Variants in LRRC8D observed in about 807,000 individuals in gnomAD.
LRRC8D encodes leucine rich repeat containing 8 VRAC subunit D, also known as volume-regulated anion channel subunit LRRC8D.
In LRRC8D, 20 loss-of-function variants were observed where a neutral mutation model predicts 55.8. The observed-to-expected ratio is 0.36, with a 90% CI of 0.25 to 0.52. The LOEUF is 0.52. Among genes scored for constraint, LRRC8D ranks in the 20% least tolerant of loss-of-function variants. LRRC8D has a pLI of 0.93. For missense variants in LRRC8D, 651 were observed against 1,030.8 expected, an observed-to-expected ratio of 0.63 and a Z score of 5.05; for synonymous variants, 352 against 377.0, an observed-to-expected ratio of 0.93 and a Z score of 0.77.
At chr1:89,839,495 T>C (rs1034501068) in intron 1 of LRRC8D, among the ~76,000 whole-genome samples, 1 of 152,184 alleles carries the variant, frequency 6.6e-6, no homozygotes, top group Non-Finnish European at 1.5e-5. Context: ...TATTTTTTTT[T>C]AAACATGATT....
At chr1:89,879,610 T>C (rs1662231492) in intron 2 of LRRC8D, among the ~76,000 whole-genome samples, 1 of 152,220 alleles carries the variant, frequency 6.6e-6, no homozygotes, top group Admixed American at 6.5e-5. Context: ...ACAATTTCTT[T>C]TTTCTTAAAT....
intron 2 of LRRC8D, among the ~76,000 whole-genome samples, chr1:89,918,072 A>T (rs1663317848): frequency 6.6e-6 from 1 of 152,244 alleles, no homozygotes; most frequent in Non-Finnish European, 1.5e-5. Flanking sequence ...GGAATAAATG[A>T]GCAAATGAAT....
At chr1:89,860,523 G>T (rs1292591825) in intron 2 of LRRC8D, among the ~76,000 whole-genome samples, 4 of 151,652 alleles carry the variant, frequency 2.6e-5, no homozygotes, top group Admixed American at 1.3e-4. Context: ...ACTTTGTGAG[G>T]CCAGGGCGGG....
chr1:89,890,590 T>A (rs569134741), intron 2 of LRRC8D, among the ~76,000 whole-genome samples: 20 of 152,332 alleles, frequency 1.3e-4, no homozygotes, highest in Admixed American at 1.2e-3. Flanking sequence ...TGTTTTTGAT[T>A]TTTGATTTTT....
Position 89,933,545 on chromosome 1 carries a change from G to A in LRRC8D, c.477G>A (p.Pro159=), listed in dbSNP as rs369648871. 2.3e-4 allele frequency: 369 copies of A among 1,613,984 alleles called. No individual in the cohort carries two copies. The highest frequency in any genetic ancestry group is 2.9e-4 in the Non-Finnish European group (345 of 1,180,022). Residue 159 remains proline (P), a synonymous_variant, in exon 3 of 3, where the codon CCG becomes CCA. Transcript: ENST00000337338. The surrounding 1 kb of genome is among the most constrained non-coding windows in gnomAD (Gnocchi z 7.0). ...INQMCYHLAL[P]WYSKYFPYLA... is the part of the protein sequence containing the mutation. Reference sequence around the variant, plus strand: ...AAATGTGTTACCATCTGGCCCTTCCGTGGTATTCTAAGTACTTTCCATACC... The same window carrying A: ...AAATGTGTTACCATCTGGCCCTTCCATGGTATTCTAAGTACTTTCCATACC...
At chr1:89,823,096 CTA>C (rs1480731317) in intron 1 of LRRC8D, among the ~76,000 whole-genome samples, 1 of 152,154 alleles carries the variant, frequency 6.6e-6, no homozygotes, top group Non-Finnish European at 1.5e-5. Flanking sequence ...TATTTGAACA[CTA>C]TGTTAGATTT....
At chr1:89,921,317 A>C (rs1457080532) in intron 2 of LRRC8D, among the ~76,000 whole-genome samples, 1 of 152,196 alleles carries the variant, frequency 6.6e-6, no homozygotes, top group Non-Finnish European at 1.5e-5. Flanking sequence ...TAGCCTGGAC[A>C]ACTGGAGTGA....
At chr1:89,899,137 G>A (rs1319477725) in intron 2 of LRRC8D, among the ~76,000 whole-genome samples, 1 of 150,984 alleles carries the variant, frequency 6.6e-6, no homozygotes, top group Non-Finnish European at 1.5e-5. Flanking sequence ...TAGATTCAAG[G>A]GCCTACCCTA....
intron 2 of LRRC8D, among the ~76,000 whole-genome samples, chr1:89,931,569 G>A (rs1037416694): frequency 2.0e-5 from 3 of 152,054 alleles, no homozygotes; most frequent in Admixed American, 2.0e-4. Flanking sequence ...GACCAGCCTG[G>A]CCAATATGGT....
chr1:89,845,729 C>T (rs1661258569), intron 2 of LRRC8D, among the ~76,000 whole-genome samples: 1 of 152,078 alleles, frequency 6.6e-6, no homozygotes, highest in African/African-American at 2.4e-5. Flanking sequence ...CTCAGCCAGT[C>T]AAGAGAGATT....
At chr1:89,836,123 A>G (rs776457944) in intron 1 of LRRC8D, among the ~76,000 whole-genome samples, 9 of 152,224 alleles carry the variant, frequency 5.9e-5, no homozygotes, top group Non-Finnish European at 1.0e-4. Flanking sequence ...TAGGAGCTAC[A>G]TGAAATGATG....
At chr1:89,872,624 A>G (rs1662049975) in intron 2 of LRRC8D, among the ~76,000 whole-genome samples, 1 of 152,228 alleles carries the variant, frequency 6.6e-6, no homozygotes, top group Admixed American at 6.5e-5. Context: ...TGTCTAATTG[A>G]TAATGAAATG....
chr1:89,844,462 G>T (rs560461369), intron 2 of LRRC8D, among the ~76,000 whole-genome samples: 10 of 152,296 alleles, frequency 6.6e-5, no homozygotes, highest in Admixed American at 1.3e-4. Context: ...GTTTAGTCTG[G>T]TGTCTGGCTT....
chr1:89,863,838 C>A (rs1661778879), intron 2 of LRRC8D, among the ~76,000 whole-genome samples: 1 of 152,074 alleles, frequency 6.6e-6, no homozygotes, highest in Admixed American at 6.5e-5. Context: ...TAAAAATGTT[C>A]ATGAGGGAGT....
intron 2 of LRRC8D, among the ~76,000 whole-genome samples, chr1:89,931,003 A>ATTTTT (rs56714673): frequency 5.9e-4 from 71 of 120,918 alleles, no homozygotes; most frequent in African/African-American, 1.3e-3. Context: ...TTCCTTGGTA[A>ATTTTT]TTTTTTTTTT....
At chr1:89,843,480 C>T (rs1310571272) in intron 1 of LRRC8D, 158 bp from the exon 2 acceptor site, 4 of 450,126 alleles carry the variant, frequency 8.9e-6, no homozygotes, top group African/African-American at 4.0e-5. Flanking sequence ...GCCGGTGCGG[C>T]GGGGTCGCCA....
At chr1:89,832,335 C>T (rs1435929747) in intron 1 of LRRC8D, among the ~76,000 whole-genome samples, 1 of 152,144 alleles carries the variant, frequency 6.6e-6, no homozygotes, top group Non-Finnish European at 1.5e-5. Context: ...TATATAGTAC[C>T]TTGTTCCTGG....
intron 2 of LRRC8D, among the ~76,000 whole-genome samples, chr1:89,847,786 C>T (rs919328098): frequency 2.0e-5 from 3 of 152,266 alleles, no homozygotes; most frequent in Admixed American, 1.3e-4. Context: ...TGTTTTACTT[C>T]GTATCTCTTA....
intron 2 of LRRC8D, among the ~76,000 whole-genome samples, chr1:89,886,356 A>G (rs1156275079): frequency 6.6e-6 from 1 of 151,868 alleles, no homozygotes; most frequent in Non-Finnish European, 1.5e-5. Flanking sequence ...ATTTTCTTTT[A>G]CCTCCAAGTT....
Sources: gnomAD v4.1 joint callset for allele counts (sites outside exome capture counted in the v4.1 genomes callset) on GRCh38, gnomAD v4.1.1 for gene constraint, Gnocchi (gnomAD v3.1) non-coding constraint, MANE v1.5 for transcripts, NCBI Gene and HGNC (gene_info 2026-07-23, HGNC 2026-07-21) for gene names.